Variants in ZDHHC11 observed in about 807,000 individuals in gnomAD.
ZDHHC11 encodes the protein zDHHC palmitoyltransferase 11.
A neutral mutation model predicts 51.3 loss-of-function variants in ZDHHC11; 44 were observed. The ratio of observed to expected loss-of-function variants is 0.86; its 90% CI spans 0.67 to 1.10. The LOEUF (loss-of-function observed/expected upper bound fraction) is 1.10. Among genes scored for constraint, ZDHHC11 ranks in the 50% least tolerant of loss-of-function variants. The pLI is 0.00. For missense variants in ZDHHC11, 400 were observed against 537.7 expected, an observed-to-expected ratio of 0.74 and a Z score of 2.53; for synonymous variants, 163 against 222.0, an observed-to-expected ratio of 0.73 and a Z score of 2.36.
chr5:806,664 A>C (rs383992), intron 11 of ZDHHC11, among the ~76,000 whole-genome samples: 98,589 of 150,166 alleles, frequency 0.66, 37,859 homozygotes, highest in Non-Finnish European at 0.86. Context: ...GAATATATAA[A>C]AACTCTATAA....
At chr5:806,757 T>C (rs1285995874) in intron 11 of ZDHHC11, among the ~76,000 whole-genome samples, 5 of 150,688 alleles carry the variant, frequency 3.3e-5, no homozygotes, top group Non-Finnish European at 7.4e-5. Context: ...AAAACTCGTA[T>C]GGCTCACATG....
intron 4 of ZDHHC11, among the ~76,000 whole-genome samples, chr5:842,831 G>C (rs1211854201): frequency 2.0e-5 from 3 of 151,372 alleles, no homozygotes; most frequent in African/African-American, 7.3e-5. Flanking sequence ...GCCAGCTCCT[G>C]TGGCTCCCGG....
chr5:823,705 A>C, intron 8 of ZDHHC11: 1 of 188,774 alleles, frequency 5.3e-6, no homozygotes, highest in Non-Finnish European at 1.1e-5. Flanking sequence ...GGGATTCAAC[A>C]TGATGCTGAG....
intron 4 of ZDHHC11, chr5:841,633 C>T (rs1744987089): frequency 2.1e-5 from 21 of 991,346 alleles, no homozygotes; most frequent in Non-Finnish European, 2.5e-5. Context: ...GGACCCGCTG[C>T]ACCCTAAAAC....
intron 8 of ZDHHC11, among the ~76,000 whole-genome samples, chr5:824,761 ATT>A (rs1561257054): frequency 1.1e-5 from 1 of 91,598 alleles, no homozygotes; most frequent in Non-Finnish European, 1.8e-5. Context: ...TTTCCTAAGC[ATT>A]TTATTTAAAA....
At chr5:828,065 T>A (rs1353825952) in intron 7 of ZDHHC11, among the ~76,000 whole-genome samples, 16 of 151,508 alleles carry the variant, frequency 1.1e-4, no homozygotes, top group African/African-American at 3.2e-4. Flanking sequence ...GGTAAGGTCA[T>A]AGATCAACAG....
chr5:848,923 CCCTGCACAGCCA>C (rs1746698950), intron 1 of ZDHHC11, among the ~76,000 whole-genome samples: 2 of 150,606 alleles, frequency 1.3e-5, no homozygotes, highest in African/African-American at 4.9e-5. Flanking sequence ...GCACAGCCAG[CCCTGCACAGCCA>C]GCCCTGCACA....
At position 816,863 on chromosome 5, in the gene ZDHHC11, C is replaced by A. The variant is rs1325523576; in HGVS notation, c.1147-2068G>T. The A allele has an allele frequency of 1.1e-5, 5 of 464,080 alleles. 1 individual carries two copies. Among genetic ancestry groups the A allele is most frequent in the African/African-American group, 4.0e-5 (2 of 49,820 alleles). 28.7% of individuals were successfully genotyped at this position (464,080 alleles called of 1,614,324 possible). On this transcript the variant is annotated intron_variant, in intron 10 of 12. Transcript: ENST00000283441. ...AAGCTGACCTTCATCAGCAGGAGAA[C>A]AAAGCAGCAGCGGGAAGCCAAGTTC...
chr5:846,844 AG>A (rs1746283280), intron 3 of ZDHHC11, among the ~76,000 whole-genome samples: 2 of 142,176 alleles, frequency 1.4e-5, no homozygotes, highest in African/African-American at 5.6e-5. Flanking sequence ...CACCGTGCTC[AG>A]GGGAAACACC....
chr5:859,246 C>T (rs970119284), upstream of ZDHHC11, among the ~76,000 whole-genome samples: 3 of 152,144 alleles, frequency 2.0e-5, no homozygotes, highest in Non-Finnish European at 4.4e-5. Context: ...GCCTCCCCCT[C>T]CCTGCCTTCC....
In ZDHHC11 at chr5:850,446, A is replaced by G. The variant is rs757945732; in HGVS notation, c.157T>C (p.Ser53Pro). The G allele has an allele frequency of 4.3e-6, 7 of 1,613,644 alleles. No individual in the cohort carries two copies. In the South Asian group the frequency reaches 7.7e-5, roughly 18 times the overall value. The change falls in exon 1 of 13, where the codon TCC becomes CCC. Residue 53 changes from serine (S) to proline (P), a missense_variant. Transcript: ENST00000283441. ...ATGAAGATCCCGAAGGTGGCCGAGG[A>G]AAGGCCCACGAAGACAGCCCAGGTC... ...VVTWAVFVGL[S>P]SATFGIFIPF...
At chr5:802,024 A>G (rs1474409129) in intron 11 of ZDHHC11, among the ~76,000 whole-genome samples, 2 of 151,396 alleles carry the variant, frequency 1.3e-5, no homozygotes, top group Non-Finnish European at 3.0e-5. Context: ...AAGGATGCAA[A>G]TGGGAGCTGA....
intron 11 of ZDHHC11, among the ~76,000 whole-genome samples, chr5:804,762 A>G (rs1299661250): frequency 6.6e-5 from 10 of 151,426 alleles, no homozygotes; most frequent in South Asian, 4.2e-4. Context: ...TGACAAATCT[A>G]TCCTTCCAGA....
intron 1 of ZDHHC11, among the ~76,000 whole-genome samples, chr5:856,510 CCA>C (rs1370043052): frequency 2.7e-5 from 4 of 150,546 alleles, no homozygotes; most frequent in African/African-American, 4.9e-5. Flanking sequence ...CACCCACACA[CCA>C]CACAATACAC....
At chr5:828,331 C>T (rs1454116725) in intron 7 of ZDHHC11, among the ~76,000 whole-genome samples, 1 of 151,140 alleles carries the variant, frequency 6.6e-6, no homozygotes, top group African/African-American at 2.4e-5. Context: ...AGGCACCCCC[C>T]ACCTCCCAGA....
At chr5:814,847 C>T in intron 10 of ZDHHC11, 52 bp from the exon 11 acceptor site, 2 of 1,467,162 alleles carry the variant, frequency 1.4e-6, no homozygotes, top group East Asian at 2.4e-5. Flanking sequence ...ACCTTGTTGA[C>T]ATTAAACTTA....
chr5:828,018 T>C (rs1265622237), intron 7 of ZDHHC11, among the ~76,000 whole-genome samples: 1 of 151,176 alleles, frequency 6.6e-6, no homozygotes, highest in Non-Finnish European at 1.5e-5. Flanking sequence ...TAACCCTGAG[T>C]GGACACAGCA....
chr5:856,597 C>T (rs1266246777), intron 1 of ZDHHC11, among the ~76,000 whole-genome samples: 3 of 150,100 alleles, frequency 2.0e-5, no homozygotes, highest in African/African-American at 4.9e-5. Context: ...CACGCACACA[C>T]CTCACGCCAC....
chr5:800,654 C>T (rs371635058), intron 12 of ZDHHC11, among the ~76,000 whole-genome samples: 17 of 151,430 alleles, frequency 1.1e-4, no homozygotes, highest in East Asian at 5.8e-4. Flanking sequence ...ATTTGTTTCA[C>T]GGTTAAATTT....
Sources: gnomAD v4.1 joint callset for allele counts (sites outside exome capture counted in the v4.1 genomes callset) on GRCh38, gnomAD v4.1.1 for gene constraint, MANE v1.5 for transcripts, NCBI Gene and HGNC (gene_info 2026-07-23, HGNC 2026-07-21) for gene names.